The following CTNNA2 variants were observed in gnomAD, a reference collection of about 807,000 sequenced individuals.
CTNNA2 encodes the protein catenin alpha-2.
CTNNA2 carries 42 observed loss-of-function variants against 101.0 expected under a neutral mutation model. The ratio of observed to expected loss-of-function variants is 0.42; its 90% CI spans 0.32 to 0.54. The LOEUF (loss-of-function observed/expected upper bound fraction) is 0.54, where lower values mean the gene tolerates loss of function less well. Ranked by LOEUF, CTNNA2 falls within the 20% of genes least tolerant of loss-of-function variation. CTNNA2 has a pLI of 0.14. For synonymous variants in CTNNA2, 450 were observed against 456.4 expected, an observed-to-expected ratio of 0.99 and a Z score of 0.18; for missense variants, 871 against 1,223.1, an observed-to-expected ratio of 0.71 and a Z score of 4.29.
intron 7 of CTNNA2, among the ~76,000 whole-genome samples, chr2:80,187,489 C>G (rs2148991719): frequency 6.6e-6 from 1 of 152,344 alleles, no homozygotes; most frequent in East Asian, 1.9e-4. Context: ...ATCTATACTT[C>G]CCGTGGAAAC....
At chr2:79,447,333 AT>A (rs879772333) in intron 4 of CTNNA2, among the ~76,000 whole-genome samples, 44 of 152,094 alleles carry the variant, frequency 2.9e-4, no homozygotes, top group Middle Eastern at 6.8e-3. Context: ...CTATAAAAAA[AT>A]TTTTTTCCAG....
intron 7 of CTNNA2, among the ~76,000 whole-genome samples, chr2:80,312,803 A>G (rs988936848): frequency 5.3e-5 from 8 of 152,244 alleles, no homozygotes; most frequent in Admixed American, 5.2e-4. Flanking sequence ...AAGAACAGAC[A>G]TATTACTTTC....
intron 7 of CTNNA2, among the ~76,000 whole-genome samples, chr2:79,933,271 G>T (rs1687568841): frequency 6.6e-6 from 1 of 152,008 alleles, no homozygotes; most frequent in Non-Finnish European, 1.5e-5. Flanking sequence ...TATATTTATT[G>T]GATATTTATT....
intron 7 of CTNNA2, among the ~76,000 whole-genome samples, chr2:80,180,741 A>C (rs1241553207): frequency 6.6e-6 from 1 of 152,194 alleles, no homozygotes; most frequent in Non-Finnish European, 1.5e-5. Context: ...GAGTAAGTCT[A>C]AATTGACTCG....
chr2:79,768,460 A>G (rs1673322990), intron 3 of CTNNA2, among the ~76,000 whole-genome samples: 1 of 151,522 alleles, frequency 6.6e-6, no homozygotes, highest in Non-Finnish European at 1.5e-5. Context: ...TAGTTGTTAA[A>G]TTGGTATCCG....
intron 1 of CTNNA2, among the ~76,000 whole-genome samples, chr2:79,513,879 G>A (rs1395641366): frequency 2.0e-5 from 3 of 152,086 alleles, no homozygotes; most frequent in Non-Finnish European, 2.9e-5. Context: ...TGCTTTGATT[G>A]TCTCCGTGAG....
intron 3 of CTNNA2, among the ~76,000 whole-genome samples, chr2:79,840,859 T>C (rs1184220705): frequency 6.6e-6 from 1 of 151,260 alleles, no homozygotes; most frequent in African/African-American, 2.4e-5. Context: ...AAGCTTCGCC[T>C]CCCGGGTTCA....
intron 9 of CTNNA2, among the ~76,000 whole-genome samples, chr2:80,486,348 GT>G (rs1250082455): frequency 2.6e-5 from 4 of 151,994 alleles, no homozygotes; most frequent in Non-Finnish European, 5.9e-5. Context: ...TTCAAATCTT[GT>G]TTTGTTTCAC....
At chr2:80,324,949 G>A (rs1679098491) in intron 7 of CTNNA2, among the ~76,000 whole-genome samples, 1 of 152,082 alleles carries the variant, frequency 6.6e-6, no homozygotes, top group African/African-American at 2.4e-5. Flanking sequence ...CATTATCATA[G>A]CACCTGCTTT....
chr2:79,289,977 G>T (rs996878129), intron 2 of CTNNA2, among the ~76,000 whole-genome samples: 3 of 152,112 alleles, frequency 2.0e-5, no homozygotes, highest in African/African-American at 7.2e-5. Flanking sequence ...GATATAGGGA[G>T]ATGTCATACC....
intron 3 of CTNNA2, among the ~76,000 whole-genome samples, chr2:79,776,571 TATCC>T (rs1482340940): frequency 4.6e-5 from 7 of 152,214 alleles, no homozygotes; most frequent in African/African-American, 1.7e-4. Flanking sequence ...TTGCCAAATA[TATCC>T]GCACATTCAA....
At chr2:79,283,764 A>G (rs1675471467) in intron 2 of CTNNA2, among the ~76,000 whole-genome samples, 1 of 92,948 alleles carries the variant, frequency 1.1e-5, no homozygotes, top group Non-Finnish European at 2.2e-5. Context: ...TTCCATATGA[A>G]CTTTAAAGTA....
chr2:79,927,586 A>G (rs1026534837), intron 7 of CTNNA2, among the ~76,000 whole-genome samples: 2 of 152,188 alleles, frequency 1.3e-5, no homozygotes, highest in Non-Finnish European at 2.9e-5. Flanking sequence ...CATGAGATGT[A>G]TTTATCAATT....
chr2:79,529,265 A>G (rs1672598341), intron 1 of CTNNA2, among the ~76,000 whole-genome samples: 1 of 152,152 alleles, frequency 6.6e-6, no homozygotes, highest in Non-Finnish European at 1.5e-5. Context: ...AAGACTTAGG[A>G]ACCATCTGAA....
intron 2 of CTNNA2, among the ~76,000 whole-genome samples, chr2:79,725,501 C>A (rs1035194235): frequency 6.6e-6 from 1 of 152,160 alleles, no homozygotes; most frequent in African/African-American, 2.4e-5. Context: ...GTTGAATATT[C>A]ACTTACATCT....
intron 1 of CTNNA2, among the ~76,000 whole-genome samples, chr2:79,617,084 A>G (rs1481067851): frequency 1.3e-5 from 2 of 151,840 alleles, no homozygotes; most frequent in Admixed American, 1.3e-4. Context: ...TTGTATTTTT[A>G]GTAGAGACGG....
chr2:80,037,205 A>T (rs1471682980), intron 7 of CTNNA2, among the ~76,000 whole-genome samples: 1 of 152,166 alleles, frequency 6.6e-6, no homozygotes, highest in Non-Finnish European at 1.5e-5. Flanking sequence ...AATAGCTTTG[A>T]CTTCAGTCCA....
chr2:79,534,208 C>T (rs1672915430), intron 1 of CTNNA2, among the ~76,000 whole-genome samples: 1 of 151,910 alleles, frequency 6.6e-6, no homozygotes, highest in African/African-American at 2.4e-5. Context: ...CAATTGTTAT[C>T]TATATTTAAT....
intron 3 of CTNNA2, among the ~76,000 whole-genome samples, chr2:79,367,220 C>G (rs1455476291): frequency 1.3e-5 from 2 of 152,174 alleles, no homozygotes; most frequent in East Asian, 1.9e-4. Flanking sequence ...AGGAAAAGGG[C>G]CCTTACCAGG....
Sources: gnomAD v4.1 joint callset for allele counts (sites outside exome capture counted in the v4.1 genomes callset) on GRCh38, gnomAD v4.1.1 for gene constraint, MANE v1.5 for transcripts, NCBI Gene and HGNC (gene_info 2026-07-23, HGNC 2026-07-21) for gene names.